The following TGM3 variants were observed in gnomAD, a reference collection of about 807,000 sequenced individuals.
The protein encoded by TGM3 is protein-glutamine gamma-glutamyltransferase E.
A neutral mutation model predicts 73.8 loss-of-function variants in TGM3; 52 were observed. That is an observed-to-expected ratio of 0.70 (90% CI 0.56 to 0.89). The LOEUF (loss-of-function observed/expected upper bound fraction) is 0.89. TGM3 is among the 40% of genes least tolerant of loss of function. The probability of loss-of-function intolerance (pLI) is 0.00; values close to 1 mark genes in which losing one functional copy is unlikely to be tolerated. For synonymous variants in TGM3, 372 were observed against 354.9 expected (o/e 1.05, Z -0.54); for missense variants, 928 against 909.9 (o/e 1.02, Z -0.26).
intron 7 of TGM3, among the ~76,000 whole-genome samples, chr20:2,318,576 T>G (rs183351286): frequency 1.8e-4 from 27 of 152,350 alleles, no homozygotes; most frequent in Admixed American, 7.2e-4. Context: ...TGTCTATATC[T>G]GTAGATACAC....
chr20:2,337,884 T>C (rs1451860488), intron 11 of TGM3, among the ~76,000 whole-genome samples: 1 of 152,210 alleles, frequency 6.6e-6, no homozygotes, highest in African/African-American at 2.4e-5. Flanking sequence ...ACAATATCTT[T>C]AGAAAGGAAA....
chr20:2,298,587 G>A (rs535228640), intron 1 of TGM3, among the ~76,000 whole-genome samples: 36 of 152,290 alleles, frequency 2.4e-4, no homozygotes, highest in African/African-American at 8.2e-4. Context: ...CCCATCTCAA[G>A]GCCTCATTTC....
intron 7 of TGM3, among the ~76,000 whole-genome samples, chr20:2,321,534 A>G: frequency 6.6e-6 from 1 of 152,200 alleles, no homozygotes; most frequent in South Asian, 2.1e-4. Flanking sequence ...TTCAAAGGTA[A>G]GCATAGCTCA....
rs1450795942 is a variant in TGM3, at chr20:2,334,515, T to C, written c.1643-601T>C. On this transcript the variant is annotated intron_variant, in intron 10 of 12. Transcript: ENST00000381458. This position sits in a 1 kb window ranked among gnomAD's most constrained non-coding sequence, Gnocchi z 4.0. The stretch of plus-strand genomic sequence containing the variant: ...CTGTGGCAGTAGAACCCCAGGCTAT[T>C]AGATGACGGGGAGGATCCTAAGCGT... 6.6e-6 allele frequency among the ~76,000 whole-genome samples: 1 copy of C among 152,188 alleles called. No homozygotes were observed. The highest frequency in any genetic ancestry group is 2.4e-5 in the African/African-American group (1 of 41,454).
intron 8 of TGM3, among the ~76,000 whole-genome samples, chr20:2,326,267 C>G (rs747098410): frequency 1.3e-5 from 2 of 152,194 alleles, no homozygotes; most frequent in East Asian, 3.9e-4. Context: ...CTCTCCTTCC[C>G]AGCACAGAAA....
In TGM3 at chr20:2,335,200, G is replaced by A. The variant is rs761258830; in HGVS notation, c.1727G>A (p.Cys576Tyr). 9 of 1,614,220 alleles carry A rather than the reference G, an allele frequency of 5.6e-6. No individual in the cohort carries two copies. The East Asian group carries it at 2.0e-4, about 36-fold the overall frequency. ...AACATGATCCGGATCACAGCGGTGTGCAAGGTCCCAGATGAGTCTGAGGTG... is the reference window on the plus strand; with the variant it reads ...AACATGATCCGGATCACAGCGGTGTACAAGGTCCCAGATGAGTCTGAGGTG... ...SDNMIRITAV[C>Y]KVPDESEVVV... The change falls in exon 11 of 13, where the codon TGC becomes TAC. Residue 576 changes from cysteine (C) to tyrosine (Y), a missense_variant. Coordinates refer to ENST00000381458, the MANE Select transcript of TGM3 (RefSeq NM_003245.4).
chr20:2,297,699 G>C (rs1004768476), intron 1 of TGM3, among the ~76,000 whole-genome samples: 8 of 152,158 alleles, frequency 5.3e-5, no homozygotes, highest in Non-Finnish European at 7.3e-5. Context: ...CCTTAAATTT[G>C]TCCCACTTGC....
chr20:2,310,151 T>C (rs183629150), intron 2 of TGM3, 27 bp from the exon 3 acceptor site: 4 of 1,613,086 alleles, frequency 2.5e-6, no homozygotes, highest in Non-Finnish European at 3.4e-6. Flanking sequence ...GCTTGTTGGT[T>C]TTCTCAACCT....
At chr20:2,318,065 G>A (rs1291118827) in intron 7 of TGM3, among the ~76,000 whole-genome samples, 1 of 151,796 alleles carries the variant, frequency 6.6e-6, no homozygotes, top group African/African-American at 2.4e-5. Context: ...TGTTGCCCAG[G>A]CTGGAGTGCA....
intron 1 of TGM3, among the ~76,000 whole-genome samples, chr20:2,299,611 C>T (rs2084131594): frequency 6.6e-6 from 1 of 152,172 alleles, no homozygotes; most frequent in Non-Finnish European, 1.5e-5. Context: ...GTCAGCCTTC[C>T]CCTCCCTCAG....
intron 7 of TGM3, among the ~76,000 whole-genome samples, chr20:2,320,263 G>C (rs1447565171): frequency 2.6e-5 from 4 of 152,348 alleles, no homozygotes; most frequent in Non-Finnish European, 4.4e-5. Context: ...TTAAGCATTA[G>C]AAGTGCTTAG....
intron 7 of TGM3, 43 bp downstream of exon 7, chr20:2,317,528 G>A: frequency 6.2e-7 from 1 of 1,610,494 alleles, no homozygotes. Context: ...CACCACATTT[G>A]AGTGGCTTCT....
At chr20:2,324,658 T>C (rs141720632) in intron 7 of TGM3, among the ~76,000 whole-genome samples, 43 of 152,288 alleles carry the variant, frequency 2.8e-4, no homozygotes, top group African/African-American at 8.7e-4. Context: ...CTTTTCAGAA[T>C]TCCCCCCTCA....
At chr20:2,333,544 G>A (rs903532808) in intron 10 of TGM3, among the ~76,000 whole-genome samples, 4 of 152,038 alleles carry the variant, frequency 2.6e-5, no homozygotes, top group South Asian at 2.1e-4. Flanking sequence ...CTACAGGCAT[G>A]CCATTATGCC....
Position 2,317,247 on chromosome 20 carries a change from T to C in TGM3, c.847+2T>C. 1 of 1,614,028 alleles carries C rather than the reference T, an allele frequency of 6.2e-7. No individual in the cohort carries two copies. The highest frequency in any genetic ancestry group is 8.5e-7 in the Non-Finnish European group (1 of 1,179,964). On this transcript the variant is annotated splice_donor_variant, in intron 6 of 12. Transcript: ENST00000381458. LOFTEE classifies it high-confidence loss of function. ...TCTTTGCTGGGACCCTCAACACAGG[T>C]ACCTTGGGTGTGGTGTGCCTTGGCT...
chr20:2,298,774 A>T (rs1398372889), intron 1 of TGM3, among the ~76,000 whole-genome samples: 4 of 151,788 alleles, frequency 2.6e-5, no homozygotes, highest in Non-Finnish European at 5.9e-5. Context: ...CCCTCCTCAT[A>T]TTTTTGTGTC....
chr20:2,309,603 C>A, intron 1 of TGM3, 54 bp from the exon 2 acceptor site: 1 of 1,593,198 alleles, frequency 6.3e-7, no homozygotes, highest in South Asian at 1.1e-5. Flanking sequence ...ACCCTTCCCC[C>A]ACACCACCAT....
intron 1 of TGM3, among the ~76,000 whole-genome samples, chr20:2,296,354 C>T (rs1307887075): frequency 6.6e-6 from 1 of 152,134 alleles, no homozygotes; most frequent in Non-Finnish European, 1.5e-5. Flanking sequence ...AGAGGACAAG[C>T]TTTGCCTTGT....
intron 10 of TGM3, among the ~76,000 whole-genome samples, chr20:2,333,919 T>C (rs562791949): frequency 8.2e-4 from 125 of 152,318 alleles, no homozygotes; most frequent in African/African-American, 2.8e-3. Context: ...TGCAAGGGCC[T>C]GTCCTCTCCA....
Sources: allele counts gnomAD v4.1 joint callset (sites outside exome capture counted in the v4.1 genomes callset), GRCh38; gene constraint gnomAD v4.1.1; non-coding constraint Gnocchi (gnomAD v3.1); transcripts MANE v1.5; gene names NCBI Gene and HGNC (gene_info 2026-07-23, HGNC 2026-07-21).